IGF1R: variants seen among roughly 807,000 people sequenced by gnomAD.
IGF1R encodes the protein insulin like growth factor 1 receptor, also known as insulin-like growth factor 1 receptor.
Under a neutral mutation model 144.6 loss-of-function variants are expected in IGF1R, and 44 were observed. That is an observed-to-expected ratio of 0.30 (90% CI 0.24 to 0.39). The LOEUF is 0.39. Ranked by LOEUF, IGF1R falls within the 10% of genes least tolerant of loss-of-function variation. IGF1R has a pLI of 1.00. For missense variants in IGF1R, 1,355 were observed against 1,833.7 expected, an observed-to-expected ratio of 0.74 and a Z score of 4.77; for synonymous variants, 795 against 722.8, an observed-to-expected ratio of 1.10 and a Z score of -1.60.
At chr15:98,886,572 A>G (rs1390780637) in intron 2 of IGF1R, among the ~76,000 whole-genome samples, 1 of 151,990 alleles carries the variant, frequency 6.6e-6, no homozygotes, top group South Asian at 2.1e-4. Flanking sequence ...CTTTAATCGC[A>G]CTCAGTGTGT....
chr15:98,652,931 A>ACC (rs888151383), intron 1 of IGF1R, among the ~76,000 whole-genome samples: 22 of 130,120 alleles, frequency 1.7e-4, no homozygotes, highest in African/African-American at 6.1e-4. Flanking sequence ...ATCTCAATAA[A>ACC]CCCTTTTTTT....
Position 98,922,240 on chromosome 15 carries a change from T to A in IGF1R, c.2294T>A (p.Ile765Asn), listed in dbSNP as rs758864482. Residue 765 changes from isoleucine to asparagine, a missense_variant, in exon 11 of 21, where the codon ATC (isoleucine) becomes AAC (asparagine). Transcript: ENST00000650285. ...ACCACGGCCGCAGACACCTACAACA[T>A]CACCGACCCGGAAGAGCTGGAGACA... is the stretch of plus-strand genomic sequence containing the variant. ...RNTTAADTYN[I>N]TDPEELETEY... is the part of the protein sequence containing the mutation. 5 of 1,614,058 alleles carry A rather than the reference T, an allele frequency of 3.1e-6. No homozygotes were observed. Among genetic ancestry groups the A allele is most frequent in the Non-Finnish European group, 4.2e-6 (5 of 1,180,006 alleles).
intron 5 of IGF1R, among the ~76,000 whole-genome samples, chr15:98,906,910 A>G (rs28526146): frequency 0.029 from 4,455 of 152,290 alleles, 219 homozygotes; most frequent in African/African-American, 0.1. Flanking sequence ...GCAGGACTCC[A>G]ACCTCCACCC....
intron 2 of IGF1R, among the ~76,000 whole-genome samples, chr15:98,713,262 C>T (rs1334853856): frequency 2.6e-5 from 4 of 152,172 alleles, no homozygotes; most frequent in African/African-American, 9.7e-5. Flanking sequence ...TGTATGCTGT[C>T]ACCCCAAGGG....
Position 98,650,902 on chromosome 15 carries a change from C to T in IGF1R, c.94+1227C>T, listed in dbSNP as rs568132747. The T allele has an allele frequency of 2.9e-5, 29 of 984,636 alleles. 4 individuals are homozygous for T. Among genetic ancestry groups the T allele is most frequent in the African/African-American group, 2.6e-4 (15 of 57,276 alleles). 61.0% of individuals were successfully genotyped at this position (984,636 alleles called of 1,614,324 possible). A position where few individuals can be genotyped will look rare whatever the true frequency, so the allele number is the denominator to read the frequency against. ...TCGGGTGGGGGTTAGTAGGGAAGCG[C>T]GGGGATGCGGGGAGCGAGAACTCCC... On this transcript the variant is annotated intron_variant, in intron 1 of 20. Coordinates refer to ENST00000650285, the MANE Select transcript of IGF1R (RefSeq NM_000875.5).
intron 1 of IGF1R, among the ~76,000 whole-genome samples, chr15:98,677,680 C>G (rs1324242164): frequency 6.6e-6 from 1 of 152,100 alleles, no homozygotes; most frequent in Non-Finnish European, 1.5e-5. Context: ...AAGATGACCT[C>G]CAGGAATTAT....
intron 1 of IGF1R, among the ~76,000 whole-genome samples, chr15:98,656,227 A>G (rs2141169057): frequency 6.6e-6 from 1 of 152,334 alleles, no homozygotes; most frequent in Non-Finnish European, 1.5e-5. Flanking sequence ...TGGGGCCATC[A>G]CACACTGCAG....
At chr15:98,791,616 A>G (rs2056129051) in intron 2 of IGF1R, among the ~76,000 whole-genome samples, 1 of 152,262 alleles carries the variant, frequency 6.6e-6, no homozygotes. Context: ...TAAGGAGGCC[A>G]TTAGGAAAGG....
intron 2 of IGF1R, among the ~76,000 whole-genome samples, chr15:98,744,180 T>C (rs1015096939): frequency 4.0e-5 from 6 of 151,552 alleles, no homozygotes; most frequent in Admixed American, 2.6e-4. Context: ...TAAAGGGACG[T>C]CAGCGTTCAA....
At chr15:98,653,139 G>A (rs1021679644) in intron 1 of IGF1R, among the ~76,000 whole-genome samples, 1 of 152,016 alleles carries the variant, frequency 6.6e-6, no homozygotes, top group Admixed American at 6.6e-5. Context: ...CAGTAGAAAT[G>A]GGCAAGCAGG....
At chr15:98,662,051 C>T (rs1408885727) in intron 1 of IGF1R, among the ~76,000 whole-genome samples, 1 of 148,598 alleles carries the variant, frequency 6.7e-6, no homozygotes, top group Non-Finnish European at 1.5e-5. Flanking sequence ...CAACCTCTGC[C>T]TTACTGCAAC....
At position 98,950,180 on chromosome 15, in the gene IGF1R, C is replaced by T. The variant is rs563875659; in HGVS notation, c.3722+1472C>T. ...TATGTCTGCATGAAGGCACCCAGCT[C>T]CTATCTCTCACCCATCCACCCCCCT... On this transcript the variant is annotated intron_variant, in intron 20 of 20. Coordinates refer to ENST00000650285, the MANE Select transcript of IGF1R (RefSeq NM_000875.5). Among the ~76,000 whole-genome samples the T allele has an allele frequency of 2.6e-5, 4 of 152,312 alleles. No homozygotes were observed. The East Asian group carries it at 7.7e-4, about 29-fold the overall frequency.
chr15:98,716,308 G>T (rs1434990065), intron 2 of IGF1R, among the ~76,000 whole-genome samples: 1 of 151,882 alleles, frequency 6.6e-6, no homozygotes, highest in Non-Finnish European at 1.5e-5. Context: ...GTGTTGCTTG[G>T]TCTCTCTCTC....
chr15:98,888,797 T>C (rs2013768401), intron 2 of IGF1R, among the ~76,000 whole-genome samples: 2 of 152,198 alleles, frequency 1.3e-5, no homozygotes, highest in African/African-American at 2.4e-5. Flanking sequence ...TGAAACAAGA[T>C]AAAAGTGTAT....
At chr15:98,695,216 T>C (rs1042443628) in intron 1 of IGF1R, among the ~76,000 whole-genome samples, 1 of 152,218 alleles carries the variant, frequency 6.6e-6, no homozygotes, top group Admixed American at 6.5e-5. Flanking sequence ...GTTTCATTCC[T>C]TTACATGTGG....
intron 1 of IGF1R, among the ~76,000 whole-genome samples, chr15:98,675,238 C>G (rs1444554997): frequency 6.6e-6 from 1 of 152,130 alleles, no homozygotes; most frequent in Non-Finnish European, 1.5e-5. Flanking sequence ...ATCTGCCCAC[C>G]TTGGTCTCCC....
chr15:98,772,715 AGCCACTGT>A (rs2055619348), intron 2 of IGF1R, among the ~76,000 whole-genome samples: 1 of 151,498 alleles, frequency 6.6e-6, no homozygotes, highest in Admixed American at 6.6e-5. Context: ...TATAGGCACT[AGCCACTGT>A]GCCCAGCCAA....
At chr15:98,911,668 C>T (rs539207096) in intron 7 of IGF1R, among the ~76,000 whole-genome samples, 1 of 152,320 alleles carries the variant, frequency 6.6e-6, no homozygotes, top group East Asian at 1.9e-4. Flanking sequence ...AGCTCGAGGC[C>T]TGTCATTCTT....
chr15:98,946,164 T>C (rs2016545390), intron 19 of IGF1R, among the ~76,000 whole-genome samples: 1 of 127,066 alleles, frequency 7.9e-6, no homozygotes, highest in Non-Finnish European at 1.6e-5. Context: ...ACCCTAAGTA[T>C]GGATTGTCAC....
Sources: gnomAD v4.1 joint callset for allele counts (sites outside exome capture counted in the v4.1 genomes callset) on GRCh38, gnomAD v4.1.1 for gene constraint, MANE v1.5 for transcripts, NCBI Gene and HGNC (gene_info 2026-07-23, HGNC 2026-07-21) for gene names.